Variants in TRPM8 observed in about 807,000 individuals in gnomAD.
The protein encoded by TRPM8 is TRPM8 cationic channel.
TRPM8 carries 110 observed loss-of-function variants against 133.7 expected under a neutral mutation model. That is an observed-to-expected ratio of 0.82 (90% confidence interval 0.70 to 0.96). The LOEUF (loss-of-function observed/expected upper bound fraction) is 0.96, where lower values mean the gene tolerates loss of function less well. Ranked by LOEUF, TRPM8 falls within the 40% of genes least tolerant of loss-of-function variation. TRPM8 has a pLI of 0.00. For synonymous variants in TRPM8, 535 were observed against 532.3 expected, an observed-to-expected ratio of 1.01 and a Z score of -0.07; for missense variants, 1,291 against 1,379.5, an observed-to-expected ratio of 0.94 and a Z score of 1.02.
intron 3 of TRPM8, among the ~76,000 whole-genome samples, chr2:233,935,423 T>A (rs1691771230): frequency 6.6e-6 from 1 of 152,214 alleles, no homozygotes; most frequent in African/African-American, 2.4e-5. Context: ...GGATGCCTTT[T>A]CTGGTAGGTT....
At position 233,945,732 on chromosome 2, in the gene TRPM8, A is replaced by G. The variant is rs1462401736; in HGVS notation, c.700-124A>G. The G allele has an allele frequency of 5.2e-6, 4 of 763,330 alleles. No individual in the cohort carries two copies. The Admixed American group carries it at 9.9e-5, about 19-fold the overall frequency. The allele number at this position is 763,330 out of a possible 1,614,324, so 47.3% of individuals were successfully genotyped here. ...CGCTAAGACCCCTCTGGATTTAGGA[A>G]TCTGGGAGGAGGCATAATGTGATTG... On this transcript the variant is annotated intron_variant, in intron 6 of 25. Coordinates refer to ENST00000324695, the MANE Select transcript of TRPM8 (RefSeq NM_024080.5).
intron 17 of TRPM8, among the ~76,000 whole-genome samples, chr2:233,978,807 C>A (rs951351564): frequency 1.3e-5 from 2 of 152,180 alleles, no homozygotes; most frequent in African/African-American, 2.4e-5. Context: ...GCTGCCCCAA[C>A]CTGGGGGATT....
chr2:233,971,627 C>A (rs1402021573), intron 17 of TRPM8, among the ~76,000 whole-genome samples: 1 of 152,134 alleles, frequency 6.6e-6, no homozygotes, highest in African/African-American at 2.4e-5. Context: ...TGTTACAGCT[C>A]TTAAGGTGGT....
At chr2:233,947,451 G>A in intron 8 of TRPM8, 1 of 1,396,582 alleles carries the variant, frequency 7.2e-7, no homozygotes, top group Non-Finnish European at 9.5e-7. Context: ...ATTGTAACCG[G>A]CATATATATT....
At chr2:233,939,828 C>G (rs1426033602) in intron 5 of TRPM8, among the ~76,000 whole-genome samples, 2 of 152,182 alleles carry the variant, frequency 1.3e-5, no homozygotes, top group Non-Finnish European at 2.9e-5. Flanking sequence ...AAGCAGGTTG[C>G]AGGAATCATG....
intron 22 of TRPM8, among the ~76,000 whole-genome samples, chr2:233,998,833 C>T (rs1452244054): frequency 6.6e-6 from 1 of 152,186 alleles, no homozygotes; most frequent in Non-Finnish European, 1.5e-5. Context: ...TGCCCATTTG[C>T]CCAGGACTAT....
intron 3 of TRPM8, among the ~76,000 whole-genome samples, chr2:233,934,545 C>T (rs1214743889): frequency 6.6e-6 from 1 of 152,164 alleles, no homozygotes; most frequent in African/African-American, 2.4e-5. Context: ...CACGTCAATG[C>T]ACCATCTCTA....
chr2:234,007,015 T>A, intron 23 of TRPM8, 63 bp downstream of exon 23: 1 of 1,272,708 alleles, frequency 7.9e-7, no homozygotes, highest in East Asian at 2.4e-5. Flanking sequence ...CCATAGAACG[T>A]AGGCAGCTTA....
At chr2:234,011,847 G>T (rs1416754649) in intron 24 of TRPM8, among the ~76,000 whole-genome samples, 3 of 142,250 alleles carry the variant, frequency 2.1e-5, no homozygotes, top group Non-Finnish European at 4.5e-5. Flanking sequence ...AACCTGGGAG[G>T]CAGAGCTTGC....
chr2:233,983,841 G>T (rs999924754), intron 20 of TRPM8, among the ~76,000 whole-genome samples: 10 of 152,152 alleles, frequency 6.6e-5, no homozygotes, highest in African/African-American at 2.4e-4. Context: ...CATCCTGATG[G>T]TTTCCCTGAG....
chr2:234,002,083 A>C (rs1692580047), intron 22 of TRPM8, among the ~76,000 whole-genome samples: 2 of 152,082 alleles, frequency 1.3e-5, no homozygotes, highest in African/African-American at 4.8e-5. Context: ...ATGGCCACAG[A>C]GAGGACATTT....
At chr2:233,982,452 C>A (rs728672) in intron 19 of TRPM8, among the ~76,000 whole-genome samples, 80,164 of 152,062 alleles carry the variant, frequency 0.53, 21,688 homozygotes, top group African/African-American at 0.65. Context: ...CCAAACCTCC[C>A]CTGTTTCTGT....
chr2:233,995,360 C>A (rs1692376963), intron 21 of TRPM8, among the ~76,000 whole-genome samples: 1 of 152,194 alleles, frequency 6.6e-6, no homozygotes, highest in African/African-American at 2.4e-5. Context: ...ACAGAGAAAT[C>A]CTTGGCATTA....
intron 1 of TRPM8, among the ~76,000 whole-genome samples, chr2:233,924,120 G>A (rs879761284): frequency 3.3e-5 from 5 of 152,198 alleles, no homozygotes; most frequent in Non-Finnish European, 5.9e-5. Flanking sequence ...AGGCTTTGGT[G>A]TGCTCAGATC....
intron 24 of TRPM8, among the ~76,000 whole-genome samples, chr2:234,008,584 A>G (rs1692755265): frequency 6.6e-6 from 1 of 152,218 alleles, no homozygotes; most frequent in South Asian, 2.1e-4. Context: ...AGCTGAAATT[A>G]TAATCAGGTT....
At position 233,945,921 on chromosome 2, in the gene TRPM8, C is replaced by T. The variant is rs200440269; in HGVS notation, c.765C>T (p.Asn255=). The T allele has an allele frequency of 1.2e-6, 2 of 1,614,154 alleles. No individual in the cohort carries two copies. The highest frequency in any genetic ancestry group is 8.5e-7 in the Non-Finnish European group (1 of 1,180,000). Residue 255 remains asparagine, a synonymous_variant, in exon 7 of 26, where the codon AAC becomes AAT. Transcript: ENST00000324695. ...GAGATCCACTGTATATCCTGGACAA[C>T]AACCACACACATTTGCTGCTCGTGG... is the stretch of plus-strand genomic sequence containing the variant. ...FTRDPLYILD[N]NHTHLLLVDN... is the part of the protein sequence containing the mutation.
chr2:233,937,359 T>C lies in TRPM8; in HGVS notation c.198T>C (p.Asn66=), dbSNP rs890449879. The part of the protein sequence containing the change: ...FFTKDSKATE[N]VCKCGYAQSQ... ...ACACCATCGTGCTTATCAGGGAGAA[T>C]GTGTGCAAGTGTGGCTATGCCCAGA... Residue 66 remains asparagine, a synonymous_variant, in exon 4 of 26, where the codon AAT becomes AAC. Transcript: ENST00000324695. 1.2e-6 allele frequency: 2 copies of C among 1,613,978 alleles called. No individual in the cohort carries two copies. Among genetic ancestry groups the C allele is most frequent in the Non-Finnish European group, 1.7e-6 (2 of 1,179,996 alleles).
At chr2:233,997,328 A>C (rs1692433688) in intron 22 of TRPM8, among the ~76,000 whole-genome samples, 1 of 152,156 alleles carries the variant, frequency 6.6e-6, no homozygotes, top group Non-Finnish European at 1.5e-5. Context: ...TAGCCAGCCT[A>C]TTAATTGCTA....
chr2:233,991,869 G>A (rs2362294), intron 21 of TRPM8, among the ~76,000 whole-genome samples: 64,471 of 151,922 alleles, frequency 0.42, 13,847 homozygotes, highest in East Asian at 0.52. Context: ...TTATCTTGTG[G>A]ATTCTTTCTT....
Sources: gnomAD v4.1 joint callset for allele counts (sites outside exome capture counted in the v4.1 genomes callset) on GRCh38, gnomAD v4.1.1 for gene constraint, MANE v1.5 for transcripts, NCBI Gene and HGNC (gene_info 2026-07-23, HGNC 2026-07-21) for gene names.